The following MUC6 variants were observed in gnomAD, a reference collection of about 807,000 sequenced individuals.
MUC6 encodes the protein mucin-6.
In MUC6, 188 loss-of-function variants were observed where a neutral mutation model predicts 201.5. That is an observed-to-expected ratio of 0.93 (90% CI 0.83 to 1.05). The LOEUF is 1.05. Ranked by LOEUF, MUC6 falls within the 50% of genes least tolerant of loss-of-function variation. The probability of loss-of-function intolerance (pLI) is 0.00; values close to 1 mark genes in which losing one functional copy is unlikely to be tolerated. For missense variants in MUC6, 2,706 were observed against 3,256.9 expected (o/e 0.83, Z 4.12); for synonymous variants, 1,228 against 1,389.4 (o/e 0.88, Z 2.58).
Position 1,025,240 on chromosome 11 carries a change from A to G in MUC6, c.2927T>C (p.Leu976Pro). 1 of 1,612,796 alleles carries G rather than the reference A, an allele frequency of 6.2e-7. No individual in the cohort carries two copies. The highest frequency in any genetic ancestry group is 8.5e-7 in the Non-Finnish European group (1 of 1,179,814). ...CATGTGCCTGTTCCAGATGAGCGTC[A>G]GGTTGTACCTCCCGGGGATGCTGAT... ...VDISIPGRYN[L>P]TLIWNRHMTI... The change falls in exon 23 of 33, where the codon CTG becomes CCG. Residue 976 changes from leucine (L) to proline (P), a missense_variant. Around this residue, in one of 10 missense-constraint regions of MUC6, gnomAD observed 1,850 missense variants for 1,958.3 expected, o/e 0.94. Coordinates refer to ENST00000421673, the MANE Select transcript of MUC6 (RefSeq NM_005961.3).
rs1290747485 is a variant in MUC6 at position 1,019,925 on chromosome 11, G to C, written c.3808+165C>G. 4.0e-6 allele frequency: 4 copies of C among 988,946 alleles called. No homozygotes were observed. The Admixed American group carries it at 8.8e-5, about 22-fold the overall frequency. 61.3% of individuals were successfully genotyped at this position (988,946 alleles called of 1,614,324 possible). A position where few individuals can be genotyped will look rare whatever the true frequency, so the allele number is the denominator to read the frequency against. On this transcript the variant is annotated intron_variant, in intron 29 of 32. Coordinates refer to ENST00000421673, the MANE Select transcript of MUC6 (RefSeq NM_005961.3). ...CCAGCTTGTCTTTAAAAGTTTTTCCGAAAAATCCCCAGTTTGGCTCCCAAG... is the reference window on the plus strand; with the variant it reads ...CCAGCTTGTCTTTAAAAGTTTTTCCCAAAAATCCCCAGTTTGGCTCCCAAG...
Position 1,022,299 on chromosome 11 carries a change from C to G in MUC6, c.3527-1022G>C, listed in dbSNP as rs574963823. On this transcript the variant is annotated intron_variant, in intron 26 of 32. Transcript: ENST00000421673. ...CCTTCTGCCCTCTACAGCCCCGCGC[C>G]CCTCACTCACTCCATCTGCCCTCTA... Among the ~76,000 whole-genome samples the G allele has an allele frequency of 5.3e-5, 8 of 150,154 alleles. No homozygotes were observed. In the East Asian group the frequency reaches 1.6e-3, roughly 30 times the overall value.
In MUC6 at chr11:1,029,620, A is replaced by T. The variant is rs765744612; in HGVS notation, c.1016-5T>A. The stretch of plus-strand genomic sequence containing the variant: ...AGAGGTCATTCAGGACCGTACCTGC[A>T]GGAGAGGGTCTTCTTGGGGCTTGGG... On this transcript the variant is annotated splice_region_variant and splice_polypyrimidine_tract_variant and intron_variant, in intron 8 of 32. Coordinates refer to ENST00000421673, the MANE Select transcript of MUC6 (RefSeq NM_005961.3). 6.4e-7 allele frequency: 1 copy of T among 1,571,402 alleles called. No individual in the cohort carries two copies. Among genetic ancestry groups the T allele is most frequent in the Non-Finnish European group, 8.7e-7 (1 of 1,154,854 alleles).
At chr11:1,014,053 AG>A in intron 31 of MUC6, 52 bp from the exon 32 acceptor site, 1 of 1,491,148 alleles carries the variant, frequency 6.7e-7, no homozygotes, top group South Asian at 1.2e-5. Context: ...TGGAGCGAGG[AG>A]GGAGGGAAAC....
At chr11:1,021,351 G>A (rs1338544434) in intron 26 of MUC6, 74 bp from the exon 27 acceptor site, 6 of 1,026,034 alleles carry the variant, frequency 5.8e-6, no homozygotes, top group Admixed American at 7.3e-5. Context: ...CTGCCCTGGC[G>A]GCCTCCTTCC....
rs1016944237 is a variant in MUC6, at chr11:1,031,520, A to AC, written c.483+86dup. The AC allele has an allele frequency of 4.0e-6, 6 of 1,508,994 alleles. No individual in the cohort carries two copies. In the African/African-American group the frequency reaches 8.3e-5, roughly 21 times the overall value. The allele number at this position is 1,508,994 out of a possible 1,614,324, so 93.5% of individuals were successfully genotyped here. On this transcript the variant is annotated intron_variant, in intron 4 of 32. Transcript: ENST00000421673. Reference sequence around the variant, plus strand: ...CATGGCAGCCTGAGGGCTGGCTGGGACCCCCAAGGAGGGCAGCCCCTCCCA... The same window carrying AC: ...CATGGCAGCCTGAGGGCTGGCTGGGACCCCCCAAGGAGGGCAGCCCCTCCCA...
At chr11:1,023,924 C>G (rs746979987) in intron 25 of MUC6, 23 bp downstream of exon 25, 1 of 1,608,870 alleles carries the variant, frequency 6.2e-7, no homozygotes, top group Admixed American at 1.7e-5. Context: ...CTGGAGCAAC[C>G]TGTGGGAGGG....
In MUC6 at chr11:1,026,927, G is replaced by A. The variant is rs200961472; in HGVS notation, c.2394+14C>T. On this transcript the variant is annotated intron_variant, in intron 19 of 32. Coordinates refer to ENST00000421673, the MANE Select transcript of MUC6 (RefSeq NM_005961.3). Reference sequence around the variant, plus strand: ...GGCCCGGGCATTGTCCCTGCTCCTCGCGCGCCCCCTTACGCAGGCAACACC... The same window carrying A: ...GGCCCGGGCATTGTCCCTGCTCCTCACGCGCCCCCTTACGCAGGCAACACC... The A allele has an allele frequency of 9.6e-6, 15 of 1,555,380 alleles. No individual in the cohort carries two copies. The highest frequency in any genetic ancestry group is 7.2e-5 in the East Asian group (3 of 41,890).
At chr11:1,023,804 G>A (rs1279360495) in intron 25 of MUC6, 143 bp downstream of exon 25, 30 of 1,435,108 alleles carry the variant, frequency 2.1e-5, no homozygotes, top group South Asian at 2.8e-5. Context: ...TGGGGGCTGC[G>A]GGAGGGCCAG....
intron 27 of MUC6, 145 bp from the exon 28 acceptor site, chr11:1,020,879 T>C: frequency 9.4e-7 from 1 of 1,065,894 alleles, no homozygotes; most frequent in Non-Finnish European, 1.4e-6. Flanking sequence ...CACCCTCCCC[T>C]CTCTCCCTTT....
rs375591680 is a variant in MUC6 at position 1,033,182 on chromosome 11, C to T, written c.53-107G>A. 1.7e-5 allele frequency: 20 copies of T among 1,151,392 alleles called. No individual in the cohort carries two copies. The highest frequency in any genetic ancestry group is 5.4e-5 in the Admixed American group (3 of 56,006). 71.3% of individuals were successfully genotyped at this position (1,151,392 alleles called of 1,614,324 possible). A position where few individuals can be genotyped will look rare whatever the true frequency, so the allele number is the denominator to read the frequency against. Reference sequence around the variant, plus strand: ...CGCCCGTTTCCCTGCACACACTCGGCGTGCGAGAAGTGTCCATGGCCCGTG... The same window carrying T: ...CGCCCGTTTCCCTGCACACACTCGGTGTGCGAGAAGTGTCCATGGCCCGTG... On this transcript the variant is annotated intron_variant, in intron 1 of 32. Coordinates refer to ENST00000421673, the MANE Select transcript of MUC6 (RefSeq NM_005961.3). This position sits in a 1 kb window ranked among gnomAD's most constrained non-coding sequence, Gnocchi z 5.6.
In MUC6 at chr11:1,023,532, C is replaced by G; in HGVS notation, c.3503G>C (p.Ser1168Thr). Reference sequence around the variant, plus strand: ...ACCTTCGATGTTGCTGCCTGGGACGCTCTGTGGCTGGCTGGGGCAGAGGCA... The same window carrying G: ...ACCTTCGATGTTGCTGCCTGGGACGGTCTGTGGCTGGCTGGGGCAGAGGCA... ...QPCLCPSQPQ[S>T]VPGSNIEGCY... The change falls in exon 26 of 33, where the codon AGC (serine) becomes ACC (threonine). Residue 1168 changes from serine (S) to threonine (T), a missense_variant. By Grantham distance (58) the Ser-to-Thr change is moderately conservative (BLOSUM62 1). This residue lies in a region of MUC6 where 1,850 missense variants were observed against 1,958.3 expected (regional missense o/e 0.94). Transcript: ENST00000421673. 1 of 1,598,144 alleles carries G rather than the reference C, an allele frequency of 6.3e-7. No individual in the cohort carries two copies. The highest frequency in any genetic ancestry group is 8.5e-7 in the Non-Finnish European group (1 of 1,172,444).
In MUC6 at chr11:1,024,196, G is replaced by T; in HGVS notation, c.3226-93C>A. ...GCAGGGCCCTCAGTGTGGTCAGGCC[G>T]GAGTGTGGCGGTAAGGGCGCTGGGA... On this transcript the variant is annotated intron_variant, in intron 24 of 32. Coordinates refer to ENST00000421673, the MANE Select transcript of MUC6 (RefSeq NM_005961.3). 2.1e-6 allele frequency: 3 copies of T among 1,417,108 alleles called. No homozygotes were observed. The South Asian group carries it at 4.0e-5, about 19-fold the overall frequency. 87.8% of individuals were successfully genotyped at this position (1,417,108 alleles called of 1,614,324 possible).
intron 30 of MUC6, 24 bp downstream of exon 30, chr11:1,019,251 G>A (rs1160724982): frequency 6.2e-7 from 1 of 1,610,110 alleles, no homozygotes; most frequent in Non-Finnish European, 8.5e-7. Context: ...GGCAGTGCTG[G>A]CATCCCATGG....
chr11:1,013,979 C>T lies in MUC6; in HGVS notation c.7062G>A (p.Gln2354=). 6.2e-7 allele frequency: 1 copy of T among 1,608,688 alleles called. No individual in the cohort carries two copies. The highest frequency in any genetic ancestry group is 8.5e-7 in the Non-Finnish European group (1 of 1,178,204). Residue 2354 remains glutamine (Q), a synonymous_variant, in exon 32 of 33, where the codon CAG becomes CAA. Coordinates refer to ENST00000421673, the MANE Select transcript of MUC6 (RefSeq NM_005961.3). ...TSPGVCSVRE[Q]QEEITFKGCM... Reference sequence around the variant, plus strand: ...ACCCCTTGAACGTGATCTCCTCCTGCTGCTCCCGCACACTGCAGACCCCTG... The same window carrying T: ...ACCCCTTGAACGTGATCTCCTCCTGTTGCTCCCGCACACTGCAGACCCCTG...
Position 1,027,149 on chromosome 11 carries a change from A to G in MUC6, c.2276T>C (p.Met759Thr). The G allele has an allele frequency of 6.2e-7, 1 of 1,612,476 alleles. No homozygotes were observed. Among genetic ancestry groups the G allele is most frequent in the Non-Finnish European group, 8.5e-7 (1 of 1,179,788 alleles). ...GRLSCPQRPQ[M>T]FLASCQAPKT... ...AGCGCTGCTGTACGTACCCAGGAAC[A>G]TCTGTGGCCGCTGCGGGCAACTCAG... The change falls in exon 18 of 33, where the codon ATG becomes ACG. Residue 759 changes from methionine to threonine, a missense_variant. Physicochemically the swap from Met to Thr is moderately conservative, Grantham distance 81 (BLOSUM62 -1). Around this residue, in one of 10 missense-constraint regions of MUC6, gnomAD observed 1,850 missense variants for 1,958.3 expected, o/e 0.94. Transcript: ENST00000421673.
chr11:1,020,678 A>T lies in MUC6; in HGVS notation c.3640+6T>A. ...TCACCTTGGCACCTAGTGTGCGTGC[A>T]ATTACCTGTGGTGGGCAGCTGCGGC... On this transcript the variant is annotated splice_donor_region_variant and intron_variant, in intron 28 of 32. Transcript: ENST00000421673. 6.2e-7 allele frequency: 1 copy of T among 1,613,548 alleles called. No individual in the cohort carries two copies.
In MUC6 at chr11:1,026,176, G is replaced by A. The variant is rs183634739; in HGVS notation, c.2547-35C>T. Reference sequence around the variant, plus strand: ...CAGCAGGTGTGGGTGGTGGGCCTGCGGCCCTCCTGCCATACTGGGTGTGGT... The same window carrying A: ...CAGCAGGTGTGGGTGGTGGGCCTGCAGCCCTCCTGCCATACTGGGTGTGGT... On this transcript the variant is annotated intron_variant, in intron 20 of 32. Transcript: ENST00000421673. 867 of 1,569,138 alleles carry A rather than the reference G, an allele frequency of 5.5e-4. 1 individual carries two copies. Among genetic ancestry groups the A allele is most frequent in the Non-Finnish European group, 7.3e-4 (842 of 1,158,910 alleles).
At chr11:1,019,614 C>A in intron 29 of MUC6, 118 bp from the exon 30 acceptor site, 2 of 902,750 alleles carry the variant, frequency 2.2e-6, no homozygotes, top group Non-Finnish European at 1.8e-6. Context: ...GACTCAGCCT[C>A]CTTGGAGGGG....
Sources: gnomAD v4.1 joint callset for allele counts (sites outside exome capture counted in the v4.1 genomes callset) on GRCh38, gnomAD v4.1.1 for gene constraint, gnomAD v4.1.1 regional missense constraint, Gnocchi (gnomAD v3.1) non-coding constraint, MANE v1.5 for transcripts, NCBI Gene and HGNC (gene_info 2026-07-23, HGNC 2026-07-21) for gene names.